The following RBMS3 variants were observed in gnomAD, a reference collection of about 807,000 sequenced individuals.
RBMS3 encodes RNA binding motif single stranded interacting protein 3.
RBMS3 carries 27 observed loss-of-function variants against 66.8 expected under a neutral mutation model. That is an observed-to-expected ratio of 0.40 (90% confidence interval 0.30 to 0.56). The LOEUF (loss-of-function observed/expected upper bound fraction) is 0.56, where lower values mean the gene tolerates loss of function less well. RBMS3 is among the 20% of genes least tolerant of loss of function. The pLI is 0.40. For synonymous variants in RBMS3, 188 were observed against 183.0 expected (o/e 1.03, Z -0.22); for missense variants, 513 against 549.5 (o/e 0.93, Z 0.66).
intron 4 of RBMS3, among the ~76,000 whole-genome samples, chr3:29,735,939 T>C (rs916848628): frequency 5.3e-5 from 8 of 152,140 alleles, no homozygotes; most frequent in African/African-American, 1.9e-4. Context: ...GCCATAAAAA[T>C]TTAAGTTAAA....
intron 4 of RBMS3, among the ~76,000 whole-genome samples, chr3:29,638,298 A>T (rs1033983444): frequency 6.6e-6 from 1 of 151,788 alleles, no homozygotes; most frequent in East Asian, 1.9e-4. Context: ...AAGGAATATC[A>T]TCCTCTGGAA....
chr3:29,381,133 G>T (rs1002293518), intron 1 of RBMS3, among the ~76,000 whole-genome samples: 1 of 152,128 alleles, frequency 6.6e-6, no homozygotes, highest in African/African-American at 2.4e-5. Context: ...AAGTGAGTAT[G>T]AGAGAAAGAT....
intron 10 of RBMS3, among the ~76,000 whole-genome samples, chr3:29,922,355 C>T (rs1274329225): frequency 4.0e-5 from 6 of 151,406 alleles, no homozygotes; most frequent in African/African-American, 1.2e-4. Context: ...GGCGCGGTGG[C>T]GGGCGCCTGT....
chr3:29,446,657 T>C (rs2041842843), intron 2 of RBMS3, among the ~76,000 whole-genome samples: 1 of 152,120 alleles, frequency 6.6e-6, no homozygotes, highest in South Asian at 2.1e-4. Flanking sequence ...TATGCTTTGA[T>C]AGTAAAAGGG....
At chr3:29,526,993 G>A (rs571609346) in intron 3 of RBMS3, among the ~76,000 whole-genome samples, 1 of 151,768 alleles carries the variant, frequency 6.6e-6, no homozygotes, top group Non-Finnish European at 1.5e-5. Flanking sequence ...ATGGACTCTA[G>A]TTACCAACTT....
At chr3:29,674,938 A>G (rs2051176170) in intron 4 of RBMS3, among the ~76,000 whole-genome samples, 1 of 152,242 alleles carries the variant, frequency 6.6e-6, no homozygotes, top group South Asian at 2.1e-4. Context: ...AAGAGCCTGC[A>G]TTGCCAAGGC....
intron 4 of RBMS3, among the ~76,000 whole-genome samples, chr3:29,738,191 C>T (rs768990930): frequency 3.9e-5 from 6 of 152,074 alleles, no homozygotes; most frequent in Non-Finnish European, 5.9e-5. Flanking sequence ...CTTGTTTATT[C>T]TACTTGTTTA....
intron 2 of RBMS3, among the ~76,000 whole-genome samples, chr3:29,473,621 G>A (rs749185626): frequency 2.0e-4 from 30 of 152,242 alleles, no homozygotes; most frequent in Non-Finnish European, 3.4e-4. Context: ...CAGGCATGGC[G>A]GGCTGCAGGT....
At chr3:29,612,144 A>C (rs1275347591) in intron 4 of RBMS3, among the ~76,000 whole-genome samples, 2 of 152,066 alleles carry the variant, frequency 1.3e-5, no homozygotes, top group African/African-American at 4.8e-5. Flanking sequence ...GTATTCGACC[A>C]AAGTTAACTA....
intron 3 of RBMS3, among the ~76,000 whole-genome samples, chr3:29,502,082 T>C (rs1162909177): frequency 1.3e-5 from 2 of 152,130 alleles, no homozygotes; most frequent in Admixed American, 1.3e-4. Flanking sequence ...CTGTTAAAAG[T>C]ATTTAAATTA....
intron 4 of RBMS3, among the ~76,000 whole-genome samples, chr3:29,595,850 T>G (rs1331400970): frequency 6.6e-6 from 1 of 152,198 alleles, no homozygotes; most frequent in East Asian, 1.9e-4. Flanking sequence ...GACAACCATG[T>G]GTCTCCCCAC....
intron 4 of RBMS3, among the ~76,000 whole-genome samples, chr3:29,732,014 T>C (rs2054159295): frequency 6.6e-6 from 1 of 151,740 alleles, no homozygotes; most frequent in Non-Finnish European, 1.5e-5. Context: ...TCTCCCTCTC[T>C]CCCTCCATCT....
chr3:29,908,590 T>G (rs1289242363), intron 10 of RBMS3, among the ~76,000 whole-genome samples: 1 of 152,132 alleles, frequency 6.6e-6, no homozygotes, highest in Non-Finnish European at 1.5e-5. Context: ...TTGATTGTCA[T>G]AAAACTTGAG....
intron 1 of RBMS3, among the ~76,000 whole-genome samples, chr3:29,422,599 TA>T (rs1177772509): frequency 6.6e-6 from 1 of 152,036 alleles, no homozygotes; most frequent in African/African-American, 2.4e-5. Context: ...TTTCTTATTA[TA>T]AAAATTATAA....
At chr3:29,401,202 AAAAG>A (rs568749141) in intron 1 of RBMS3, among the ~76,000 whole-genome samples, 34 of 152,078 alleles carry the variant, frequency 2.2e-4, no homozygotes, top group Non-Finnish European at 3.7e-4. Flanking sequence ...ATACCTATTA[AAAAG>A]AAAGAGTTTC....
chr3:29,440,940 A>G (rs1184666229), intron 2 of RBMS3, among the ~76,000 whole-genome samples: 2 of 152,202 alleles, frequency 1.3e-5, no homozygotes, highest in African/African-American at 2.4e-5. Context: ...ACAAGTCATC[A>G]TGCACTCCAG....
chr3:29,431,302 T>TTTTTC (rs2041185759), intron 1 of RBMS3, among the ~76,000 whole-genome samples: 4 of 27,468 alleles, frequency 1.5e-4, no homozygotes, highest in Admixed American at 5.3e-4. Context: ...TTTCCTTTTC[T>TTTTTC]TTTTTTTTTT....
At chr3:29,688,245 A>G (rs1054463317) in intron 4 of RBMS3, among the ~76,000 whole-genome samples, 5 of 152,220 alleles carry the variant, frequency 3.3e-5, no homozygotes, top group African/African-American at 4.8e-5. Flanking sequence ...TTTTATGTGC[A>G]TTGATTTCCT....
intron 3 of RBMS3, among the ~76,000 whole-genome samples, chr3:29,511,682 A>C (rs2044419980): frequency 6.6e-6 from 1 of 152,108 alleles, no homozygotes; most frequent in African/African-American, 2.4e-5. Context: ...CATCATACAT[A>C]AAGAATAACA....
Sources: gnomAD v4.1 joint callset for allele counts (sites outside exome capture counted in the v4.1 genomes callset) on GRCh38, gnomAD v4.1.1 for gene constraint, MANE v1.5 for transcripts, NCBI Gene and HGNC (gene_info 2026-07-23, HGNC 2026-07-21) for gene names.